Variants in KHDRBS3 observed in about 807,000 individuals in gnomAD.
The protein encoded by KHDRBS3 is KH RNA binding domain containing, signal transduction associated 3.
Under a neutral mutation model 45.6 loss-of-function variants are expected in KHDRBS3, and 23 were observed. The ratio of observed to expected loss-of-function variants is 0.50; its 90% CI spans 0.36 to 0.72. KHDRBS3 has a LOEUF of 0.72. Ranked by LOEUF, KHDRBS3 falls within the 30% of genes least tolerant of loss-of-function variation. The pLI is 0.00. For synonymous variants in KHDRBS3, 162 were observed against 156.5 expected, an observed-to-expected ratio of 1.04 and a Z score of -0.26; for missense variants, 352 against 424.8, an observed-to-expected ratio of 0.83 and a Z score of 1.51.
At chr8:135,653,430 T>G (rs1451724543) in intron 4 of KHDRBS3, among the ~76,000 whole-genome samples, 4 of 152,136 alleles carry the variant, frequency 2.6e-5, no homozygotes, top group Non-Finnish European at 2.9e-5. Flanking sequence ...CTACAATAGT[T>G]TGACTTAGAA....
intron 4 of KHDRBS3, among the ~76,000 whole-genome samples, chr8:135,552,381 T>G (rs1826650122): frequency 6.6e-6 from 1 of 152,178 alleles, no homozygotes; most frequent in Non-Finnish European, 1.5e-5. Flanking sequence ...TTCTGCCAGC[T>G]CATAGCTGTT....
intron 5 of KHDRBS3, among the ~76,000 whole-genome samples, chr8:135,562,431 GT>G (rs1827212935): frequency 1.3e-5 from 2 of 152,114 alleles, no homozygotes; most frequent in Admixed American, 1.3e-4. Flanking sequence ...CGCCACCTAG[GT>G]TTATGTAAGT....
chr8:135,461,869 T>C lies in KHDRBS3; in HGVS notation c.88+3915T>C, dbSNP rs73712035. On this transcript the variant is annotated intron_variant, in intron 1 of 8. Transcript: ENST00000355849. ...TGGTCCAGATTTGTGTCTAGGTTGA[T>C]AAAAGTTTTTTGTTTGTATATCAAA... Among the ~76,000 whole-genome samples the C allele has an allele frequency of 4.4e-3, 670 of 152,366 alleles. 3 individuals are homozygous for C. Among genetic ancestry groups the C allele is most frequent in the Middle Eastern group, 0.034 (10 of 294 alleles).
At chr8:135,596,591 T>C (rs575457081) in intron 6 of KHDRBS3, among the ~76,000 whole-genome samples, 1 of 152,268 alleles carries the variant, frequency 6.6e-6, no homozygotes, top group African/African-American at 2.4e-5. Context: ...TAAAAAAAAT[T>C]ACAGACATAC....
At chr8:135,468,366 T>C (rs2130166277) in intron 1 of KHDRBS3, among the ~76,000 whole-genome samples, 1 of 152,340 alleles carries the variant, frequency 6.6e-6, no homozygotes, top group Middle Eastern at 3.4e-3. Context: ...GAAGCCAAGA[T>C]CTGGGTGCTG....
chr8:135,567,280 T>A (rs1022346444), intron 5 of KHDRBS3, among the ~76,000 whole-genome samples: 1 of 151,986 alleles, frequency 6.6e-6, no homozygotes, highest in African/African-American at 2.4e-5. Context: ...ATAAAGGCGT[T>A]CTCAGATGTG....
intron 5 of KHDRBS3, among the ~76,000 whole-genome samples, chr8:135,574,821 A>G (rs1827877795): frequency 1.3e-5 from 2 of 152,196 alleles, no homozygotes; most frequent in Non-Finnish European, 2.9e-5. Context: ...AGAGTGATTG[A>G]AGTTTAAATA....
intron 4 of KHDRBS3, chr8:135,550,101 T>C (rs917076958): frequency 2.6e-5 from 4 of 152,214 alleles, no homozygotes; most frequent in African/African-American, 9.7e-5. Context: ...GACTACAAAA[T>C]TGAAACTATG....
At chr8:135,632,841 C>T (rs751821871) in intron 7 of KHDRBS3, among the ~76,000 whole-genome samples, 1 of 152,142 alleles carries the variant, frequency 6.6e-6, no homozygotes, top group Non-Finnish European at 1.5e-5. Context: ...GCCTTCCTTT[C>T]TAGCCTTCAG....
chr8:135,471,199 A>C (rs1821997922), intron 1 of KHDRBS3, among the ~76,000 whole-genome samples: 1 of 152,230 alleles, frequency 6.6e-6, no homozygotes, highest in South Asian at 2.1e-4. Flanking sequence ...TACTTCCAAT[A>C]AAAGGTCCAT....
chr8:135,644,571 G>T (rs764239904), intron 7 of KHDRBS3, among the ~76,000 whole-genome samples: 1 of 152,226 alleles, frequency 6.6e-6, no homozygotes, highest in Non-Finnish European at 1.5e-5. Flanking sequence ...TGGTAGACGA[G>T]GGTGTAAGAA....
intron 5 of KHDRBS3, among the ~76,000 whole-genome samples, chr8:135,572,433 T>C (rs528265926): frequency 6.6e-6 from 1 of 152,338 alleles, no homozygotes; most frequent in East Asian, 1.9e-4. Flanking sequence ...TTATACTCTA[T>C]ACAATGTAGG....
intron 5 of KHDRBS3, among the ~76,000 whole-genome samples, chr8:135,562,818 A>G (rs79828939): frequency 6.6e-6 from 1 of 152,218 alleles, no homozygotes; most frequent in Non-Finnish European, 1.5e-5. Flanking sequence ...AAAACCAGTC[A>G]CAATACATAC....
chr8:135,463,793 C>G (rs1052339606), intron 1 of KHDRBS3, among the ~76,000 whole-genome samples: 1 of 152,094 alleles, frequency 6.6e-6, no homozygotes, highest in African/African-American at 2.4e-5. Flanking sequence ...ATCAAAAGCC[C>G]CATTTGCCTG....
intron 7 of KHDRBS3, among the ~76,000 whole-genome samples, chr8:135,612,164 T>C (rs560114769): frequency 6.6e-6 from 1 of 152,036 alleles, no homozygotes; most frequent in African/African-American, 2.4e-5. Flanking sequence ...CATTCTCTTT[T>C]ATACTGTCTC....
chr8:135,509,000 T>C (rs1386123823), intron 1 of KHDRBS3, among the ~76,000 whole-genome samples: 1 of 152,238 alleles, frequency 6.6e-6, no homozygotes, highest in Non-Finnish European at 1.5e-5. Flanking sequence ...GTATTCACCA[T>C]TGGGACCAAT....
At chr8:135,471,290 A>C (rs1390823572) in intron 1 of KHDRBS3, among the ~76,000 whole-genome samples, 2 of 152,238 alleles carry the variant, frequency 1.3e-5, no homozygotes, top group African/African-American at 4.8e-5. Flanking sequence ...TCAGACTTTT[A>C]GACCCTTTCA....
At chr8:135,563,840 C>T (rs541833650) in intron 5 of KHDRBS3, among the ~76,000 whole-genome samples, 1 of 152,194 alleles carries the variant, frequency 6.6e-6, no homozygotes, top group Non-Finnish European at 1.5e-5. Flanking sequence ...TTTCCATTGA[C>T]CTTTGCTCTG....
At chr8:135,625,337 T>A in intron 7 of KHDRBS3, 1 of 992,634 alleles carries the variant, frequency 1.0e-6, no homozygotes, top group Non-Finnish European at 1.6e-6. Context: ...CTTTCCGAAG[T>A]AGAAATCCCT....
Sources: gnomAD v4.1 joint callset for allele counts (sites outside exome capture counted in the v4.1 genomes callset) on GRCh38, gnomAD v4.1.1 for gene constraint, MANE v1.5 for transcripts, NCBI Gene and HGNC (gene_info 2026-07-23, HGNC 2026-07-21) for gene names.